The following TBL1X variants were observed in gnomAD, a reference collection of about 807,000 sequenced individuals.
TBL1X encodes F-box-like/WD repeat-containing protein TBL1X.
In TBL1X, 10 loss-of-function variants were observed where a neutral mutation model predicts 50.7. The observed-to-expected ratio is 0.20, with a 90% CI of 0.12 to 0.33. TBL1X has a LOEUF of 0.33. TBL1X is among the 10% of genes least tolerant of loss of function. The pLI is 1.00. For missense variants in TBL1X, 340 were observed against 504.4 expected (o/e 0.67, Z 3.12); for synonymous variants, 190 against 214.7 (o/e 0.88, Z 1.01).
At chrX:9,509,547 G>A (rs1192141767) in intron 2 of TBL1X, among the ~76,000 whole-genome samples, 1 of 80,032 alleles carries the variant, frequency 1.2e-5, no homozygotes, top group Non-Finnish European at 2.2e-5. Flanking sequence ...TGTTAGTTAT[G>A]TGGTCATGGC....
rs575973483 is a variant in TBL1X, at chrX:9,508,789, G to A, written c.-131+6940G>A. The stretch of plus-strand genomic sequence containing the variant: ...GGAATGAGATCATGTCCTTTGCAGG[G>A]ACATGGATGAAGCTGGAAGCCATCA... On this transcript the variant is annotated intron_variant, in intron 2 of 17. Transcript: ENST00000645353. Among the ~76,000 whole-genome samples, 6 of 111,548 alleles carry A rather than the reference G, an allele frequency of 5.4e-5. No individual in the cohort carries two copies. The South Asian group carries it at 2.3e-3, about 43-fold the overall frequency.
At chrX:9,507,553 A>G (rs1175342880) in intron 2 of TBL1X, among the ~76,000 whole-genome samples, 2 of 112,333 alleles carry the variant, frequency 1.8e-5, no homozygotes, top group Non-Finnish European at 3.8e-5. Flanking sequence ...TTCCTGTCAA[A>G]CTACCATTGA....
chrX:9,523,066 T>A (rs974793804), intron 2 of TBL1X, among the ~76,000 whole-genome samples: 2 of 111,716 alleles, frequency 1.8e-5, no homozygotes, highest in Admixed American at 1.9e-4. Flanking sequence ...CTACACAGAC[T>A]CTCCACTTGT....
intron 12 of TBL1X, among the ~76,000 whole-genome samples, chrX:9,700,682 G>T (rs1425192869): frequency 9.0e-6 from 1 of 111,709 alleles, no homozygotes; most frequent in Non-Finnish European, 1.9e-5. Flanking sequence ...GGCTGTGGCA[G>T]GTTTGGTGTT....
chrX:9,674,054 A>G (rs1266481129), intron 5 of TBL1X, among the ~76,000 whole-genome samples: 1 of 112,353 alleles, frequency 8.9e-6, no homozygotes, highest in Non-Finnish European at 1.9e-5. Flanking sequence ...CAATGAGCGA[A>G]ATTCTTTCTC....
intron 2 of TBL1X, among the ~76,000 whole-genome samples, chrX:9,533,957 G>A (rs1036669625): frequency 1.8e-5 from 2 of 111,590 alleles, no homozygotes; most frequent in Admixed American, 9.4e-5. Flanking sequence ...TGACAGTGAA[G>A]CACCGGCTTG....
At chrX:9,528,077 G>C (rs1193932450) in intron 2 of TBL1X, among the ~76,000 whole-genome samples, 1 of 111,078 alleles carries the variant, frequency 9.0e-6, no homozygotes, top group Admixed American at 9.5e-5. Context: ...GAGCCACCGT[G>C]CCCAGCCTCA....
At chrX:9,564,626 G>A (rs1421626183) in intron 2 of TBL1X, among the ~76,000 whole-genome samples, 1 of 110,918 alleles carries the variant, frequency 9.0e-6, no homozygotes. Flanking sequence ...CCAGCTACTT[G>A]GGAGGCTGAG....
intron 11 of TBL1X, among the ~76,000 whole-genome samples, chrX:9,694,369 A>G (rs752757713): frequency 8.9e-6 from 1 of 111,988 alleles, no homozygotes; most frequent in African/African-American, 3.2e-5. Context: ...GGATAACTTG[A>G]AAACTTACTA....
intron 16 of TBL1X, 69 bp from the exon 17 acceptor site, chrX:9,714,833 G>T: frequency 2.0e-6 from 2 of 1,021,841 alleles, no homozygotes; most frequent in African/African-American, 1.8e-5. Flanking sequence ...CCGGAGGAGC[G>T]CACATTCCAC....
intron 2 of TBL1X, among the ~76,000 whole-genome samples, chrX:9,597,899 G>A (rs769313310): frequency 2.0e-4 from 22 of 111,694 alleles, no homozygotes; most frequent in Non-Finnish European, 3.8e-4. Context: ...TGATGGCCAC[G>A]GATTGGGCTT....
chrX:9,643,180 G>A (rs1398983084), intron 3 of TBL1X, among the ~76,000 whole-genome samples: 1 of 111,311 alleles, frequency 9.0e-6, no homozygotes, highest in East Asian at 2.8e-4. Flanking sequence ...AGATAACCTG[G>A]GAATGTGTGG....
At chrX:9,473,459 G>T (rs768666594) in intron 1 of TBL1X, among the ~76,000 whole-genome samples, 2 of 111,994 alleles carry the variant, frequency 1.8e-5, no homozygotes, top group Admixed American at 9.5e-5. Context: ...AGAGGAAGTC[G>T]GGTACTGTTT....
chrX:9,510,260 G>A (rs957331743), intron 2 of TBL1X, among the ~76,000 whole-genome samples: 3 of 111,593 alleles, frequency 2.7e-5, no homozygotes, highest in Admixed American at 9.5e-5. Context: ...ATCCTGGACC[G>A]TAGGGTAGAC....
intron 3 of TBL1X, among the ~76,000 whole-genome samples, chrX:9,642,727 G>C (rs1217291770): frequency 8.9e-6 from 1 of 112,385 alleles, no homozygotes; most frequent in East Asian, 2.8e-4. Flanking sequence ...GATAGTTAGG[G>C]GCTTAGGCTT....
chrX:9,582,907 A>T (rs183837600), intron 2 of TBL1X, among the ~76,000 whole-genome samples: 48 of 112,619 alleles, frequency 4.3e-4, no homozygotes, highest in African/African-American at 1.4e-3. Flanking sequence ...AGCTTGTCTC[A>T]TCGTCCCCTC....
intron 12 of TBL1X, among the ~76,000 whole-genome samples, chrX:9,702,749 A>T (rs752431714): frequency 8.9e-6 from 1 of 112,117 alleles, no homozygotes; most frequent in Non-Finnish European, 1.9e-5. Flanking sequence ...CAGTGTTTAC[A>T]GCTACCTTGG....
chrX:9,534,108 T>G (rs2082176143), intron 2 of TBL1X, among the ~76,000 whole-genome samples: 2 of 111,770 alleles, frequency 1.8e-5, no homozygotes, highest in Admixed American at 1.9e-4. Flanking sequence ...TGTCTTTTCC[T>G]GCTTTGCTGT....
At chrX:9,681,667 C>T (rs2083026581) in intron 5 of TBL1X, among the ~76,000 whole-genome samples, 1 of 112,498 alleles carries the variant, frequency 8.9e-6, no homozygotes, top group South Asian at 3.7e-4. Flanking sequence ...ACAATTGCTC[C>T]ATCAGCCATG....
Sources: gnomAD v4.1 joint callset for allele counts (sites outside exome capture counted in the v4.1 genomes callset) on GRCh38, gnomAD v4.1.1 for gene constraint, MANE v1.5 for transcripts, NCBI Gene and HGNC (gene_info 2026-07-23, HGNC 2026-07-21) for gene names.